The following TMEM132B variants were observed in gnomAD, a reference collection of about 807,000 sequenced individuals.
The protein encoded by TMEM132B is transmembrane protein 132B.
A neutral mutation model predicts 90.8 loss-of-function variants in TMEM132B; 18 were observed. That is an observed-to-expected ratio of 0.20 (90% CI 0.14 to 0.29). TMEM132B has a LOEUF of 0.29. Ranked by LOEUF, TMEM132B falls within the 10% of genes least tolerant of loss-of-function variation. The probability of loss-of-function intolerance (pLI) is 1.00; values close to 1 mark genes in which losing one functional copy is unlikely to be tolerated. For synonymous variants in TMEM132B, 504 were observed against 523.3 expected (o/e 0.96, Z 0.50); for missense variants, 1,096 against 1,326.8 (o/e 0.83, Z 2.70).
chr12:125,361,950 G>C (rs1207460126), intron 2 of TMEM132B, among the ~76,000 whole-genome samples: 1 of 152,186 alleles, frequency 6.6e-6, no homozygotes, highest in Non-Finnish European at 1.5e-5. Context: ...GATTATGGTG[G>C]TGGCCAATAT....
rs73424718 is a variant in TMEM132B at position 125,333,905 on chromosome 12, C to T, written c.68-15547C>T. 5.2e-3 allele frequency among the ~76,000 whole-genome samples: 786 copies of T among 152,184 alleles called. 3 individuals carry two copies. Among genetic ancestry groups the T allele is most frequent in the African/African-American group, 0.018 (736 of 41,514 alleles). ...GTTGGGAGAAAGTTGGGGATTGTGG[C>T]ATGGTTATATTTCTGCTGGGTTAAC... On this transcript the variant is annotated intron_variant, in intron 1 of 8. Transcript: ENST00000682704.
intron 2 of TMEM132B, among the ~76,000 whole-genome samples, chr12:125,378,356 C>A (rs1878556570): frequency 6.6e-6 from 1 of 152,168 alleles, no homozygotes; most frequent in African/African-American, 2.4e-5. Flanking sequence ...CATTTGACTG[C>A]ACGTACCATC....
At chr12:125,389,977 A>G (rs1468126108) in intron 2 of TMEM132B, among the ~76,000 whole-genome samples, 2 of 152,230 alleles carry the variant, frequency 1.3e-5, no homozygotes, top group African/African-American at 4.8e-5. Context: ...AAACCTGTGT[A>G]ACTGTCACTC....
At chr12:125,647,681 G>A (rs1033754714) in intron 6 of TMEM132B, among the ~76,000 whole-genome samples, 1 of 152,114 alleles carries the variant, frequency 6.6e-6, no homozygotes, top group African/African-American at 2.4e-5. Flanking sequence ...ACCTTTAAAG[G>A]GTGGCTAATG....
intron 5 of TMEM132B, among the ~76,000 whole-genome samples, chr12:125,625,362 T>C (rs1336189989): frequency 6.6e-6 from 1 of 152,122 alleles, no homozygotes; most frequent in Non-Finnish European, 1.5e-5. Context: ...CTCTATCTCG[T>C]GACCTCATGA....
chr12:125,642,385 C>T (rs1280946916), intron 5 of TMEM132B, among the ~76,000 whole-genome samples: 1 of 152,192 alleles, frequency 6.6e-6, no homozygotes, highest in African/African-American at 2.4e-5. Context: ...GTTCTTCTCT[C>T]TCTTTTTATA....
intron 1 of TMEM132B, among the ~76,000 whole-genome samples, chr12:125,322,546 G>A (rs779350376): frequency 1.3e-5 from 2 of 152,206 alleles, no homozygotes; most frequent in African/African-American, 2.4e-5. Context: ...AGTGAACACA[G>A]GGAGCTTTTG....
At chr12:125,472,575 G>T (rs1287252960) in intron 3 of TMEM132B, among the ~76,000 whole-genome samples, 1 of 152,180 alleles carries the variant, frequency 6.6e-6, no homozygotes, top group Non-Finnish European at 1.5e-5. Context: ...CTGAATATCT[G>T]TGTTCCCTTC....
intron 3 of TMEM132B, among the ~76,000 whole-genome samples, chr12:125,517,346 TTTTTTTTTTTTTTTTTTTTG>T (rs1382171441): frequency 8.5e-5 from 7 of 82,468 alleles, no homozygotes; most frequent in Admixed American, 1.1e-4. Flanking sequence ...TTTTTTTTTT[TTTTTTTTTTTTTTTTTTTTG>T]CATTTTTAGT....
intron 3 of TMEM132B, among the ~76,000 whole-genome samples, chr12:125,516,206 T>A (rs1195391567): frequency 1.3e-5 from 2 of 152,036 alleles, no homozygotes; most frequent in Non-Finnish European, 2.9e-5. Flanking sequence ...CATGCCTCCT[T>A]CCCCACTGCA....
At chr12:125,649,045 A>C (rs1030584789) in intron 6 of TMEM132B, among the ~76,000 whole-genome samples, 2 of 152,198 alleles carry the variant, frequency 1.3e-5, no homozygotes, top group African/African-American at 2.4e-5. Flanking sequence ...TCAGTATGTT[A>C]TTCAATTTTT....
chr12:125,188,951 C>T (rs1957779063), intron 1 of TMEM132B, among the ~76,000 whole-genome samples: 2 of 151,650 alleles, frequency 1.3e-5, no homozygotes, highest in Admixed American at 6.6e-5. Flanking sequence ...ACCAGAGCTT[C>T]CTTCAGGGCT....
intron 1 of TMEM132B, among the ~76,000 whole-genome samples, chr12:125,347,603 G>A (rs1877404858): frequency 6.6e-6 from 1 of 152,250 alleles, no homozygotes; most frequent in Non-Finnish European, 1.5e-5. Flanking sequence ...AGGGAATGGA[G>A]TGGGATTTCT....
At chr12:125,558,792 C>T (rs2136785650) in intron 4 of TMEM132B, among the ~76,000 whole-genome samples, 1 of 152,240 alleles carries the variant, frequency 6.6e-6, no homozygotes, top group Admixed American at 6.5e-5. Flanking sequence ...CCCACTCATC[C>T]ACCAATCCTT....
intron 5 of TMEM132B, among the ~76,000 whole-genome samples, chr12:125,600,066 T>C (rs912410503): frequency 1.3e-5 from 2 of 152,190 alleles, no homozygotes; most frequent in Non-Finnish European, 2.9e-5. Context: ...TTTTATGCTA[T>C]CATCATTGGA....
At chr12:125,640,857 A>T (rs1034358585) in intron 5 of TMEM132B, among the ~76,000 whole-genome samples, 2 of 151,994 alleles carry the variant, frequency 1.3e-5, no homozygotes, top group Non-Finnish European at 2.9e-5. Context: ...TGTTCTCATT[A>T]TTTGAGATAG....
intron 5 of TMEM132B, among the ~76,000 whole-genome samples, chr12:125,589,358 T>C (rs1885262598): frequency 6.6e-6 from 1 of 151,108 alleles, no homozygotes; most frequent in African/African-American, 2.4e-5. Flanking sequence ...GGCGGGGGCC[T>C]GTAGTCCCAG....
At chr12:125,296,160 C>T (rs1053629513) in intron 1 of TMEM132B, among the ~76,000 whole-genome samples, 1 of 152,178 alleles carries the variant, frequency 6.6e-6, no homozygotes, top group East Asian at 1.9e-4. Flanking sequence ...CGATAAAAGC[C>T]GAAGTCCTTA....
intron 1 of TMEM132B, among the ~76,000 whole-genome samples, chr12:125,328,312 AGC>A (rs1876653066): frequency 6.6e-6 from 1 of 152,122 alleles, no homozygotes; most frequent in Non-Finnish European, 1.5e-5. Flanking sequence ...ACACCCTTGC[AGC>A]TGCAGCAGGG....
Sources: allele counts gnomAD v4.1 joint callset (sites outside exome capture counted in the v4.1 genomes callset), GRCh38; gene constraint gnomAD v4.1.1; transcripts MANE v1.5; gene names NCBI Gene and HGNC (gene_info 2026-07-23, HGNC 2026-07-21).